PUS7L: variants seen among roughly 807,000 people sequenced by gnomAD.
PUS7L encodes pseudouridine synthase 7 like.
PUS7L carries 49 observed loss-of-function variants against 51.1 expected under a neutral mutation model. The observed-to-expected ratio is 0.96, with a 90% CI of 0.76 to 1.22. The LOEUF (loss-of-function observed/expected upper bound fraction) is 1.22. Among genes scored for constraint, PUS7L ranks in the 50% most tolerant of loss-of-function variants. The pLI is 0.00. For synonymous variants in PUS7L, 277 were observed against 276.2 expected, an observed-to-expected ratio of 1.00 and a Z score of -0.03; for missense variants, 828 against 820.6, an observed-to-expected ratio of 1.01 and a Z score of -0.11.
At chr12:43,746,348 T>C in intron 3 of PUS7L, 110 bp from the exon 4 acceptor site, 2 of 526,220 alleles carry the variant, frequency 3.8e-6, no homozygotes, top group South Asian at 3.0e-5. Context: ...AGAATACTAA[T>C]ACAATTTTTT....
intron 1 of PUS7L, among the ~76,000 whole-genome samples, chr12:43,756,206 A>G (rs1376252224): frequency 6.6e-6 from 1 of 152,162 alleles, no homozygotes; most frequent in Non-Finnish European, 1.5e-5. Flanking sequence ...TCCATATCCT[A>G]ATTTCCTAAG....
At chr12:43,750,422 T>A (rs1393636909) in intron 2 of PUS7L, among the ~76,000 whole-genome samples, 1 of 152,228 alleles carries the variant, frequency 6.6e-6, no homozygotes, top group Admixed American at 6.5e-5. Flanking sequence ...TTACATTGAA[T>A]CTTATTTAAG....
At chr12:43,740,685 G>A (rs967278198) in intron 5 of PUS7L, among the ~76,000 whole-genome samples, 1 of 152,082 alleles carries the variant, frequency 6.6e-6, no homozygotes, top group African/African-American at 2.4e-5. Flanking sequence ...CACACATGGA[G>A]TAGTCCTCTC....
chr12:43,742,457 C>T lies in PUS7L; in HGVS notation c.1362G>A (p.Met454Ile), dbSNP rs778849197. Residue 454 changes from methionine to isoleucine, a missense_variant and splice_region_variant, in exon 5 of 9, where the codon ATG (methionine) becomes ATA (isoleucine). Physicochemically the swap from Met to Ile is conservative, Grantham distance 10. Transcript: ENST00000344862. ...AGATTACATTTTTCAAAATCCATAC[C>T]ATTTCATTCTTCAGCAAAGCTAGTC... Reference protein sequence around the residue: ...QIGLALLKNEMMKAIKLFLTP... With the variant: ...QIGLALLKNEIMKAIKLFLTP... 3 of 1,596,378 alleles carry T rather than the reference C, an allele frequency of 1.9e-6. No homozygotes were observed. The highest frequency in any genetic ancestry group is 2.6e-6 in the Non-Finnish European group (3 of 1,168,284).
rs776964567 is a variant in PUS7L, at chr12:43,748,507, T to TTCC, written c.1012_1013insGGA (p.Leu337_Lys338insArg). 1.2e-6 allele frequency: 2 copies of TTCC among 1,612,078 alleles called. No homozygotes were observed. ...TTGATAGGTGATGGCTTTCTTGTCT[T>TTCC]TAAGGCCTGCATAACTAAAATCCGA... On this transcript the variant is annotated inframe_insertion, in exon 3 of 9. Transcript: ENST00000344862.
In PUS7L at chr12:43,754,493, T is replaced by A. The variant is rs1160488522; in HGVS notation, c.753A>T (p.Lys251Asn). 2 of 1,613,942 alleles carry A rather than the reference T, an allele frequency of 1.2e-6. No homozygotes were observed. Among genetic ancestry groups the A allele is most frequent in the Non-Finnish European group, 1.7e-6 (2 of 1,179,862 alleles). The change falls in exon 2 of 9, where the codon AAA (lysine) becomes AAT (asparagine). Residue 251 changes from lysine to asparagine, a missense_variant. Lys to Asn is a moderately conservative substitution (Grantham distance 94, BLOSUM62 0). Transcript: ENST00000344862. ...TGGTTTCCACAAGGTTTCCAAACTT[T>A]TTGTTGACAAAATGGTGGACAGCTT... ...HRKAVHHFVN[K>N]KFGNLVETKS...
chr12:43,758,195 G>A (rs889232887), intron 1 of PUS7L: 1 of 445,754 alleles, frequency 2.2e-6, no homozygotes, highest in Non-Finnish European at 3.0e-6. Context: ...CCAGAAAAAA[G>A]GAGGAAGACA....
chr12:43,750,251 A>G (rs924997294), intron 2 of PUS7L, among the ~76,000 whole-genome samples: 1 of 152,150 alleles, frequency 6.6e-6, no homozygotes, highest in African/African-American at 2.4e-5. Flanking sequence ...TTCACCCATA[A>G]AGATTTAGAA....
chr12:43,733,030 A>G (rs1336876144), intron 7 of PUS7L, among the ~76,000 whole-genome samples: 1 of 152,202 alleles, frequency 6.6e-6, no homozygotes, highest in Non-Finnish European at 1.5e-5. Flanking sequence ...GGTATAAAAC[A>G]CCATGCTTTG....
intron 2 of PUS7L, among the ~76,000 whole-genome samples, chr12:43,750,949 C>T (rs1050098161): frequency 6.6e-6 from 1 of 152,098 alleles, no homozygotes; most frequent in African/African-American, 2.4e-5. Flanking sequence ...CTACATAAAT[C>T]GTTCCTTGAG....
chr12:43,729,442 C>A lies in PUS7L; in HGVS notation c.*934G>T. The stretch of plus-strand genomic sequence containing the variant: ...ATACATGTCTACATGCCAGTCATTC[C>A]TCCCCAACACACCCATATTTAACTG... On this transcript the variant is annotated 3_prime_UTR_variant, in exon 9 of 9. Transcript: ENST00000344862. The A allele has an allele frequency of 2.7e-6, 1 of 368,308 alleles. No homozygotes were observed. Among genetic ancestry groups the A allele is most frequent in the African/African-American group, 2.1e-5 (1 of 48,094 alleles). The allele number at this position is 368,308 out of a possible 1,614,324, so 22.8% of individuals were successfully genotyped here.
chr12:43,746,966 G>A (rs1201075156), intron 3 of PUS7L, among the ~76,000 whole-genome samples: 1 of 152,142 alleles, frequency 6.6e-6, no homozygotes, highest in East Asian at 1.9e-4. Context: ...AACATCTAAA[G>A]TTCTTCTTTC....
rs1422857507 is a variant in PUS7L at position 43,719,753 on chromosome 12, T to C, written c.*10623A>G. 1 of 152,188 alleles carries C rather than the reference T, an allele frequency of 6.6e-6. No homozygotes were observed. Among genetic ancestry groups the C allele is most frequent in the African/African-American group, 2.4e-5 (1 of 41,452 alleles). 9.4% of individuals were successfully genotyped at this position (152,188 alleles called of 1,614,324 possible). On this transcript the variant is annotated 3_prime_UTR_variant, in exon 9 of 9. Coordinates refer to ENST00000344862, the MANE Select transcript of PUS7L (RefSeq NM_031292.5). ...ACTTTCAATAATATTGGCAGAAAAT[T>C]GTTCATAATATTCTATTATCTTTTT... is the stretch of plus-strand genomic sequence containing the variant.
intron 7 of PUS7L, among the ~76,000 whole-genome samples, chr12:43,733,021 G>A (rs11182236): frequency 0.064 from 9,695 of 152,158 alleles, 310 homozygotes; most frequent in Middle Eastern, 0.16. Context: ...ACATGGTCAG[G>A]TATAAAACAC....
rs142890717 is a variant in PUS7L at position 43,755,098 on chromosome 12, T to C, written c.148A>G (p.Ile50Val). Residue 50 changes from isoleucine (I) to valine (V), a missense_variant, in exon 2 of 9, where the codon ATC (isoleucine) becomes GTC (valine). Physicochemically the swap from Ile to Val is conservative, Grantham distance 29. Transcript: ENST00000344862. ...CTAATCTTGAAAATAGGCTCATCGA[T>C]GGTCTTATTAACTAACTGTCCCTGT... ...DEQGQLVNKT[I>V]DEPIFKISEI... 3.7e-4 allele frequency: 601 copies of C among 1,613,820 alleles called. 5 individuals carry two copies. In the African/African-American group the frequency reaches 6.9e-3, roughly 18 times the overall value.
At chr12:43,750,449 G>A (rs752194600) in intron 2 of PUS7L, among the ~76,000 whole-genome samples, 1 of 152,184 alleles carries the variant, frequency 6.6e-6, no homozygotes, top group Admixed American at 6.5e-5. Context: ...AGCAATATGG[G>A]AACATTTACA....
chr12:43,758,663 C>CA (rs1939025253), intron 1 of PUS7L, 67 bp downstream of exon 1: 3 of 761,668 alleles, frequency 3.9e-6, no homozygotes, highest in African/African-American at 7.8e-5. Context: ...CACCCCCCCC[C>CA]CCCACACACA....
intron 5 of PUS7L, among the ~76,000 whole-genome samples, chr12:43,740,066 T>C (rs997198091): frequency 6.6e-6 from 1 of 152,164 alleles, no homozygotes; most frequent in Admixed American, 6.5e-5. Context: ...ATTTCCTAAA[T>C]TCTTTGGACT....
In PUS7L at chr12:43,736,617, G is replaced by A. The variant is rs149316041; in HGVS notation, c.1489C>T (p.Arg497Cys). Residue 497 changes from arginine (R) to cysteine (C), a missense_variant, in exon 7 of 9, where the codon CGT (arginine) becomes TGT (cysteine). Coordinates refer to ENST00000344862, the MANE Select transcript of PUS7L (RefSeq NM_031292.5). ...TLSLMPEFKV[R>C]ERALLEALHR... ...AATGCCTCCAACAATGCTCTCTCAC[G>A]CACTTTGAATTCAGGCATCAATGAA... The A allele has an allele frequency of 2.1e-5, 34 of 1,613,794 alleles. No homozygotes were observed. The highest frequency in any genetic ancestry group is 1.3e-4 in the African/African-American group (10 of 74,782).
Sources: gnomAD v4.1 joint callset for allele counts (sites outside exome capture counted in the v4.1 genomes callset) on GRCh38, gnomAD v4.1.1 for gene constraint, MANE v1.5 for transcripts, NCBI Gene and HGNC (gene_info 2026-07-23, HGNC 2026-07-21) for gene names.